The following SIL1 variants were observed in gnomAD, a reference collection of about 807,000 sequenced individuals.
SIL1 encodes the protein SIL1 nucleotide exchange factor, also known as nucleotide exchange factor SIL1.
In SIL1, 40 loss-of-function variants were observed where a neutral mutation model predicts 49.1. The ratio of observed to expected loss-of-function variants is 0.81; its 90% confidence interval spans 0.63 to 1.06. The LOEUF (loss-of-function observed/expected upper bound fraction) is 1.06. SIL1 is among the 50% of genes least tolerant of loss of function. SIL1 has a pLI of 0.00. For synonymous variants in SIL1, 253 were observed against 250.8 expected (o/e 1.01, Z -0.08); for missense variants, 500 against 572.6 (o/e 0.87, Z 1.29).
intron 7 of SIL1, among the ~76,000 whole-genome samples, chr5:139,001,902 T>TA (rs1404882565): frequency 8.1e-4 from 112 of 137,548 alleles, no homozygotes; most frequent in East Asian, 5.4e-3. Context: ...AGACTCCGTC[T>TA]AAAAAAAAAA....
At chr5:139,055,955 A>C (rs1237771083) in intron 3 of SIL1, among the ~76,000 whole-genome samples, 2 of 151,996 alleles carry the variant, frequency 1.3e-5, no homozygotes, top group Non-Finnish European at 2.9e-5. Context: ...TTGCAGACAG[A>C]GTCTCCTTCA....
chr5:139,192,747 C>A (rs936106305), intron 1 of SIL1, among the ~76,000 whole-genome samples: 1 of 151,738 alleles, frequency 6.6e-6, no homozygotes, highest in Admixed American at 6.6e-5. Context: ...TTAATAATCC[C>A]AGTACTTTGG....
intron 7 of SIL1, among the ~76,000 whole-genome samples, chr5:139,018,409 G>T (rs1341643715): frequency 6.6e-6 from 1 of 152,008 alleles, no homozygotes; most frequent in Non-Finnish European, 1.5e-5. Context: ...GGACAACATG[G>T]TGAAACCTTG....
intron 2 of SIL1, among the ~76,000 whole-genome samples, chr5:139,127,458 A>G (rs1044596858): frequency 6.6e-6 from 1 of 152,114 alleles, no homozygotes; most frequent in Non-Finnish European, 1.5e-5. Context: ...CATATAAAGC[A>G]CTCACTACAA....
intron 7 of SIL1, among the ~76,000 whole-genome samples, chr5:138,995,682 G>C (rs1462812560): frequency 6.6e-6 from 1 of 152,108 alleles, no homozygotes; most frequent in African/African-American, 2.4e-5. Context: ...CTGTATATTT[G>C]TAACTATTAA....
chr5:139,108,027 G>A (rs1165334330), intron 3 of SIL1: 1 of 152,202 alleles, frequency 6.6e-6, no homozygotes, highest in Admixed American at 6.5e-5. Context: ...AGGCACGGCA[G>A]CAACAATCAA....
intron 7 of SIL1, among the ~76,000 whole-genome samples, chr5:138,996,513 AT>A (rs140943492): frequency 0.034 from 3,042 of 89,888 alleles, 19 homozygotes; most frequent in African/African-American, 0.1. Context: ...TGCTGTGCAG[AT>A]TTTTTTTTTT....
intron 3 of SIL1, among the ~76,000 whole-genome samples, chr5:139,092,384 G>A (rs1309626124): frequency 6.6e-6 from 1 of 152,152 alleles, no homozygotes; most frequent in Non-Finnish European, 1.5e-5. Context: ...GTCTATTTCT[G>A]TAGATAAATT....
intron 7 of SIL1, among the ~76,000 whole-genome samples, chr5:138,961,032 A>C (rs930494474): frequency 6.6e-6 from 1 of 152,230 alleles, no homozygotes; most frequent in Non-Finnish European, 1.5e-5. Flanking sequence ...AAACTTTTCT[A>C]TATGGAGGGA....
At chr5:139,069,762 A>G (rs1769787369) in intron 3 of SIL1, among the ~76,000 whole-genome samples, 1 of 152,238 alleles carries the variant, frequency 6.6e-6, no homozygotes, top group African/African-American at 2.4e-5. Context: ...TTGGGCATAT[A>G]AGCAAAAATC....
intron 7 of SIL1, among the ~76,000 whole-genome samples, chr5:139,006,953 G>A (rs1266649243): frequency 6.8e-6 from 1 of 146,942 alleles, no homozygotes; most frequent in Non-Finnish European, 1.5e-5. Context: ...GCTCTTTTTT[G>A]GTTCCATATG....
intron 7 of SIL1, among the ~76,000 whole-genome samples, chr5:138,962,708 AAAG>A (rs1415719712): frequency 6.6e-6 from 1 of 152,232 alleles, no homozygotes; most frequent in Admixed American, 6.5e-5. Context: ...GTTGGGGGAC[AAAG>A]AAGACCTCCC....
At chr5:138,955,498 G>C (rs1282040140) in intron 7 of SIL1, among the ~76,000 whole-genome samples, 1 of 152,178 alleles carries the variant, frequency 6.6e-6, no homozygotes, top group Non-Finnish European at 1.5e-5. Flanking sequence ...ACAGCAATTT[G>C]GGCAATCAGC....
intron 1 of SIL1, chr5:139,155,229 G>A (rs1751382901): frequency 6.6e-6 from 1 of 152,198 alleles, no homozygotes; most frequent in Non-Finnish European, 1.5e-5. Flanking sequence ...AAGTGGGTAT[G>A]AGCTGGGTTA....
intron 3 of SIL1, among the ~76,000 whole-genome samples, chr5:139,061,325 G>C (rs1043985070): frequency 2.6e-5 from 4 of 152,198 alleles, no homozygotes; most frequent in Non-Finnish European, 4.4e-5. Flanking sequence ...GGTCTGCCTT[G>C]GCATTAAGAG....
chr5:139,175,929 T>C (rs577881391), intron 1 of SIL1, among the ~76,000 whole-genome samples: 85 of 152,106 alleles, frequency 5.6e-4, no homozygotes, highest in Non-Finnish European at 1.0e-3. Flanking sequence ...TGCCATTGCA[T>C]GATCTGGGCA....
intron 5 of SIL1, 64 bp from the exon 6 acceptor site, chr5:139,027,056 C>G: frequency 6.5e-7 from 1 of 1,529,108 alleles, no homozygotes; most frequent in South Asian, 1.1e-5. Flanking sequence ...TGTCTGTGGT[C>G]TACCATGGAT....
intron 3 of SIL1, among the ~76,000 whole-genome samples, chr5:139,081,018 A>G (rs57849475): frequency 4.3e-4 from 65 of 152,330 alleles, no homozygotes; most frequent in African/African-American, 1.5e-3. Flanking sequence ...AGGCAGCCCT[A>G]AAAAAGAGTT....
intron 1 of SIL1, among the ~76,000 whole-genome samples, chr5:139,190,266 A>G (rs1213016082): frequency 6.6e-6 from 1 of 152,194 alleles, no homozygotes; most frequent in East Asian, 1.9e-4. Context: ...CTCATTCTTT[A>G]CAGAAACACA....
Sources: allele counts gnomAD v4.1 joint callset (sites outside exome capture counted in the v4.1 genomes callset), GRCh38; gene constraint gnomAD v4.1.1; transcripts MANE v1.5; gene names NCBI Gene and HGNC (gene_info 2026-07-23, HGNC 2026-07-21).